NCS1: variants seen among roughly 807,000 people sequenced by gnomAD.
NCS1 encodes neuronal calcium sensor 1, also known as frequenin homolog.
Under a neutral mutation model 28.4 loss-of-function variants are expected in NCS1, and 6 were observed. The ratio of observed to expected loss-of-function variants is 0.21; its 90% CI spans 0.12 to 0.42. The LOEUF (loss-of-function observed/expected upper bound fraction) is 0.42. Ranked by LOEUF, NCS1 falls within the 10% of genes least tolerant of loss-of-function variation. The probability of loss-of-function intolerance (pLI) is 1.00; values close to 1 mark genes in which losing one functional copy is unlikely to be tolerated. For missense variants in NCS1, 131 were observed against 241.4 expected (o/e 0.54, Z 3.03); for synonymous variants, 86 against 99.3 (o/e 0.87, Z 0.79).
At position 130,219,573 on chromosome 9, in the gene NCS1, C is replaced by T. The variant is rs1192636934; in HGVS notation, c.229-152C>T. ...CTCCCCACCCTCTCCTTGCCTCTCG[C>T]CCCCCATTCCTTCGAGCCTGCCCTC... On this transcript the variant is annotated intron_variant, in intron 3 of 7. Coordinates refer to ENST00000372398, the MANE Select transcript of NCS1 (RefSeq NM_014286.4). The surrounding 1 kb of genome is among the most constrained non-coding windows in gnomAD (Gnocchi z 5.7). 1.4e-6 allele frequency: 1 copy of T among 695,686 alleles called. No individual in the cohort carries two copies. The highest frequency in any genetic ancestry group is 2.5e-6 in the Non-Finnish European group (1 of 393,306). The allele number at this position is 695,686 out of a possible 1,614,324, so 43.1% of individuals were successfully genotyped here.
At chr9:130,211,128 C>T (rs1433359215) in intron 2 of NCS1, among the ~76,000 whole-genome samples, 2 of 148,586 alleles carry the variant, frequency 1.3e-5, no homozygotes, top group African/African-American at 5.0e-5. Context: ...GCTGGGATTC[C>T]AGGTGTGAGC....
rs1832653350 is a variant in NCS1, at chr9:130,181,457, G to C, written c.64+8730G>C. Among the ~76,000 whole-genome samples the C allele has an allele frequency of 6.6e-6, 1 of 152,124 alleles. No individual in the cohort carries two copies. Among genetic ancestry groups the C allele is most frequent in the African/African-American group, 2.4e-5 (1 of 41,412 alleles). ...GGCATGTTCCGTGTGACCCAGGCCT[G>C]TCCTTGGTGTTCACGTGTGTTCCTC... is the stretch of plus-strand genomic sequence containing the variant. On this transcript the variant is annotated intron_variant, in intron 1 of 7. Transcript: ENST00000372398. This position sits in a 1 kb window ranked among gnomAD's most constrained non-coding sequence, Gnocchi z 5.0.
In NCS1 at chr9:130,180,253, C is replaced by CCA. The variant is rs1283463431; in HGVS notation, c.64+7526_64+7527insCA. 6.6e-6 allele frequency among the ~76,000 whole-genome samples: 1 copy of CCA among 152,060 alleles called. No homozygotes were observed. Among genetic ancestry groups the CCA allele is most frequent in the Non-Finnish European group, 1.5e-5 (1 of 68,012 alleles). On this transcript the variant is annotated intron_variant, in intron 1 of 7. Coordinates refer to ENST00000372398, the MANE Select transcript of NCS1 (RefSeq NM_014286.4). This position sits in a 1 kb window ranked among gnomAD's most constrained non-coding sequence, Gnocchi z 4.5. The stretch of plus-strand genomic sequence containing the variant: ...CTTGCCATTTTGGCCAGGTTGGTCT[C>CCA]AAACTCCTAGCCTCAAGTGGTGCAC...
intron 2 of NCS1, among the ~76,000 whole-genome samples, chr9:130,202,323 C>T (rs1832959821): frequency 6.6e-6 from 1 of 152,086 alleles, no homozygotes; most frequent in Non-Finnish European, 1.5e-5. Context: ...CCTCTGCCTG[C>T]TGGGCTGTTA....
intron 2 of NCS1, among the ~76,000 whole-genome samples, chr9:130,205,204 G>A (rs1243459458): frequency 3.3e-5 from 5 of 152,084 alleles, no homozygotes; most frequent in Non-Finnish European, 7.4e-5. Context: ...ATCCACCCAG[G>A]CGTAGAAAAC....
rs1174337311 is a variant in NCS1 at position 130,215,860 on chromosome 9, C to A, written c.90-1972C>A. ...CTGCTTGCTGTGGGCACTGCTGGGACGGTCATGTGCCCGCTATGGTCTGAC... is the reference window on the plus strand; with the variant it reads ...CTGCTTGCTGTGGGCACTGCTGGGAAGGTCATGTGCCCGCTATGGTCTGAC... On this transcript the variant is annotated intron_variant, in intron 2 of 7. Transcript: ENST00000372398. This position sits in a 1 kb window ranked among gnomAD's most constrained non-coding sequence, Gnocchi z 4.2. 6.6e-6 allele frequency among the ~76,000 whole-genome samples: 1 copy of A among 152,102 alleles called. No individual in the cohort carries two copies. The highest frequency in any genetic ancestry group is 1.5e-5 in the Non-Finnish European group (1 of 67,998).
Position 130,197,250 on chromosome 9 carries a change from C to T in NCS1, c.65-3708C>T, listed in dbSNP as rs142554263. On this transcript the variant is annotated intron_variant, in intron 1 of 7. Transcript: ENST00000372398. Reference sequence around the variant, plus strand: ...TTATTGTGTATTAGAAAAGATATGACCAGCACAGTCACTGGTAACTTTATG... The same window carrying T: ...TTATTGTGTATTAGAAAAGATATGATCAGCACAGTCACTGGTAACTTTATG... Among the ~76,000 whole-genome samples, 397 of 152,238 alleles carry T rather than the reference C, an allele frequency of 2.6e-3. 6 individuals carry two copies. Among genetic ancestry groups the T allele is most frequent in the African/African-American group, 9.0e-3 (372 of 41,524 alleles).
chr9:130,235,122 C>G lies in NCS1; in HGVS notation c.*2150C>G, dbSNP rs916799452. ...GACTGCACGCTGGCCCCACGGTAAC[C>G]CCCCCTCCCCCACCAACATCCTGCA... On this transcript the variant is annotated 3_prime_UTR_variant, in exon 8 of 8. Coordinates refer to ENST00000372398, the MANE Select transcript of NCS1 (RefSeq NM_014286.4). The G allele has an allele frequency of 3.9e-5, 6 of 152,102 alleles. No individual in the cohort carries two copies. The highest frequency in any genetic ancestry group is 3.9e-4 in the Admixed American group (6 of 15,264). 9.4% of individuals were successfully genotyped at this position (152,102 alleles called of 1,614,324 possible). A position where few individuals can be genotyped will look rare whatever the true frequency, so the allele number is the denominator to read the frequency against.
intron 1 of NCS1, among the ~76,000 whole-genome samples, chr9:130,176,183 T>TTTCTTTCTTTCTTTCC (rs1832566466): frequency 1.5e-5 from 1 of 66,418 alleles, no homozygotes; most frequent in Non-Finnish European, 2.4e-5. Flanking sequence ...TCTTTCTTTC[T>TTTCTTTCTTTCTTTCC]TTCTTTCTTT....
chr9:130,182,311 C>T (rs1384134888), intron 1 of NCS1, among the ~76,000 whole-genome samples: 2 of 152,138 alleles, frequency 1.3e-5, no homozygotes, highest in African/African-American at 2.4e-5. Flanking sequence ...GCGCCTGCCT[C>T]CCACCGTCTC....
In NCS1 at chr9:130,223,171, G is replaced by A. The variant is rs782439685; in HGVS notation, c.474+12G>A. On this transcript the variant is annotated intron_variant, in intron 6 of 7. Coordinates refer to ENST00000372398, the MANE Select transcript of NCS1 (RefSeq NM_014286.4). ...CCATGATGGATAAGGTGAGGTGGGG[G>A]GGCGGGGCTGGTCCTGGACCAGGGA... 5 of 1,588,156 alleles carry A rather than the reference G, an allele frequency of 3.1e-6. No homozygotes were observed. The highest frequency in any genetic ancestry group is 4.3e-6 in the Non-Finnish European group (5 of 1,156,574).
At chr9:130,183,849 G>A (rs111240353) in intron 1 of NCS1, among the ~76,000 whole-genome samples, 3,507 of 141,378 alleles carry the variant, frequency 0.025, 90 homozygotes, top group Non-Finnish European at 0.031. Context: ...TCGCTCTGTC[G>A]CCCAGGCTGG....
chr9:130,191,063 A>C lies in NCS1; in HGVS notation c.65-9895A>C, dbSNP rs1554906213. On this transcript the variant is annotated intron_variant, in intron 1 of 7. Coordinates refer to ENST00000372398, the MANE Select transcript of NCS1 (RefSeq NM_014286.4). This position sits in a 1 kb window ranked among gnomAD's most constrained non-coding sequence, Gnocchi z 6.4. ...CACCACGACTCCTCATCGGCACAGCATCTCCAGGGCGCCCACCATGTGCTG... is the reference window on the plus strand; with the variant it reads ...CACCACGACTCCTCATCGGCACAGCCTCTCCAGGGCGCCCACCATGTGCTG... 6.6e-6 allele frequency among the ~76,000 whole-genome samples: 1 copy of C among 152,148 alleles called. No homozygotes were observed. The highest frequency in any genetic ancestry group is 2.4e-5 in the African/African-American group (1 of 41,418).
chr9:130,184,586 C>T lies in NCS1; in HGVS notation c.64+11859C>T, dbSNP rs150323475. Among the ~76,000 whole-genome samples the T allele has an allele frequency of 3.1e-3, 475 of 152,250 alleles. 4 individuals carry two copies. Among genetic ancestry groups the T allele is most frequent in the Middle Eastern group, 0.01 (3 of 294 alleles). ...TAGGTTGGATGAGGGAGCCATGCAG[C>T]GTGCTAGGGCAGCCCAGAGGCACCT... is the stretch of plus-strand genomic sequence containing the variant. On this transcript the variant is annotated intron_variant, in intron 1 of 7. Coordinates refer to ENST00000372398, the MANE Select transcript of NCS1 (RefSeq NM_014286.4).
intron 6 of NCS1, among the ~76,000 whole-genome samples, chr9:130,225,593 G>A (rs1554911278): frequency 3.3e-5 from 5 of 152,236 alleles, no homozygotes; most frequent in African/African-American, 1.2e-4. Context: ...TGGGGCCTGG[G>A]TAGGTGACGG....
In NCS1 at chr9:130,219,831, G is replaced by A. The variant is rs1554909978; in HGVS notation, c.307+28G>A. On this transcript the variant is annotated intron_variant, in intron 4 of 7. Transcript: ENST00000372398. The surrounding 1 kb of genome is among the most constrained non-coding windows in gnomAD (Gnocchi z 5.7). ...AAGTCCTGCCCCCTTGGCCCTGTGTGGCAGCAGCTGGAGGGCCCAGGTCAG... is the reference window on the plus strand; with the variant it reads ...AAGTCCTGCCCCCTTGGCCCTGTGTAGCAGCAGCTGGAGGGCCCAGGTCAG... 1 of 1,611,732 alleles carries A rather than the reference G, an allele frequency of 6.2e-7. No homozygotes were observed. The highest frequency in any genetic ancestry group is 1.1e-5 in the South Asian group (1 of 91,010).
Position 130,172,777 on chromosome 9 carries a change from ACCGCCCCCGCCC to A in NCS1, c.64+59_64+70del, listed in dbSNP as rs782151980. On this transcript the variant is annotated intron_variant, in intron 1 of 7. Transcript: ENST00000372398. ...GCGCCCCGCGGTCACCCCCACACCC[ACCGCCCCCGCCC>A]CCGCCCCCCGGACCCGCGCGCTACC... 104 of 674,686 alleles carry A rather than the reference ACCGCCCCCGCCC, an allele frequency of 1.5e-4. No homozygotes were observed. The African/African-American group carries it at 3.8e-3, about 25-fold the overall frequency. 41.8% of individuals were successfully genotyped at this position (674,686 alleles called of 1,614,324 possible). A position where few individuals can be genotyped will look rare whatever the true frequency, so the allele number is the denominator to read the frequency against.
intron 2 of NCS1, among the ~76,000 whole-genome samples, chr9:130,206,340 G>T (rs138956057): frequency 4.6e-5 from 7 of 151,922 alleles, no homozygotes; most frequent in African/African-American, 1.7e-4. Flanking sequence ...CATTTTCAGA[G>T]GGCCCTTTCT....
At chr9:130,176,625 A>G (rs781983024) in intron 1 of NCS1, among the ~76,000 whole-genome samples, 11 of 152,262 alleles carry the variant, frequency 7.2e-5, no homozygotes, top group Non-Finnish European at 1.6e-4. Flanking sequence ...GGCACACAGA[A>G]GGTGACATCT....
Sources: allele counts gnomAD v4.1 joint callset (sites outside exome capture counted in the v4.1 genomes callset), GRCh38; gene constraint gnomAD v4.1.1; non-coding constraint Gnocchi (gnomAD v3.1); transcripts MANE v1.5; gene names NCBI Gene and HGNC (gene_info 2026-07-23, HGNC 2026-07-21).